The following CSMD3 variants were observed in gnomAD, a reference collection of about 807,000 sequenced individuals.
CSMD3 encodes the protein CUB and Sushi multiple domains 3.
A neutral mutation model predicts 435.2 loss-of-function variants in CSMD3; 177 were observed. The observed-to-expected ratio is 0.41, with a 90% CI of 0.36 to 0.46. The LOEUF is 0.46. Among genes scored for constraint, CSMD3 ranks in the 20% least tolerant of loss-of-function variants. CSMD3 has a pLI of 0.34. For missense variants in CSMD3, 4,265 were observed against 4,504.6 expected, an observed-to-expected ratio of 0.95 and a Z score of 1.52; for synonymous variants, 1,656 against 1,520.5, an observed-to-expected ratio of 1.09 and a Z score of -2.07.
intron 32 of CSMD3, among the ~76,000 whole-genome samples, chr8:112,443,571 T>C (rs60675083): frequency 0.018 from 2,692 of 152,252 alleles, 81 homozygotes; most frequent in African/African-American, 0.061. Context: ...GTTAAACATA[T>C]AGTTTTATAA....
chr8:112,608,183 T>G (rs1832946527), intron 22 of CSMD3, among the ~76,000 whole-genome samples: 1 of 151,602 alleles, frequency 6.6e-6, no homozygotes, highest in African/African-American at 2.4e-5. Context: ...AAAAAGACAT[T>G]AAGAAAGCAA....
intron 59 of CSMD3, among the ~76,000 whole-genome samples, chr8:112,268,902 A>C (rs1334876644): frequency 6.6e-6 from 1 of 152,158 alleles, no homozygotes; most frequent in East Asian, 1.9e-4. Flanking sequence ...GGGTTTCTCT[A>C]CCTTAAGCTT....
chr8:113,127,212 T>C (rs2091158974), intron 4 of CSMD3, among the ~76,000 whole-genome samples: 1 of 152,080 alleles, frequency 6.6e-6, no homozygotes, highest in African/African-American at 2.4e-5. Context: ...AGATTGCGAA[T>C]GAAGAATAAT....
chr8:113,083,645 T>A (rs2089649065), intron 5 of CSMD3, among the ~76,000 whole-genome samples: 1 of 151,878 alleles, frequency 6.6e-6, no homozygotes, highest in African/African-American at 2.4e-5. Context: ...ACAAATAATA[T>A]ACAAAACAAT....
At chr8:113,066,129 GAAAA>G (rs532343282) in intron 5 of CSMD3, among the ~76,000 whole-genome samples, 1 of 49,186 alleles carries the variant, frequency 2.0e-5, no homozygotes, top group African/African-American at 7.9e-5. Flanking sequence ...CCAAGAAAAA[GAAAA>G]AAAAAAAAAA....
At chr8:113,430,288 T>C (rs2094663686) in intron 1 of CSMD3, among the ~76,000 whole-genome samples, 1 of 152,170 alleles carries the variant, frequency 6.6e-6, no homozygotes, top group Non-Finnish European at 1.5e-5. Flanking sequence ...TTGAATAATA[T>C]TGGCAATAGC....
chr8:113,284,187 T>G (rs2132488654), intron 2 of CSMD3, among the ~76,000 whole-genome samples: 1 of 152,100 alleles, frequency 6.6e-6, no homozygotes, highest in Non-Finnish European at 1.5e-5. Context: ...ACTAAAGAAC[T>G]TACTCGTGTA....
chr8:113,332,811 G>T (rs1345776784), intron 1 of CSMD3, among the ~76,000 whole-genome samples: 1 of 151,278 alleles, frequency 6.6e-6, no homozygotes, highest in Non-Finnish European at 1.5e-5. Flanking sequence ...ATGATGCAAG[G>T]GAACCAAAAC....
At position 112,224,415 on chromosome 8, in the gene CSMD3, T is replaced by C. The variant is rs920089575; in HGVS notation, c.*356A>G. ...AGCTCTTATTTCTACCCTATATCTT[T>C]TTTTTTAAACCCAGTCCCTCTAATA... On this transcript the variant is annotated 3_prime_UTR_variant, in exon 71 of 71. Transcript: ENST00000297405. 6.5e-6 allele frequency: 2 copies of C among 309,882 alleles called. No individual in the cohort carries two copies. Among genetic ancestry groups the C allele is most frequent in the Non-Finnish European group, 1.3e-5 (2 of 158,972 alleles). 19.2% of individuals were successfully genotyped at this position (309,882 alleles called of 1,614,324 possible).
chr8:112,590,484 C>G (rs1233356673), intron 22 of CSMD3, among the ~76,000 whole-genome samples: 1 of 151,976 alleles, frequency 6.6e-6, no homozygotes, highest in Non-Finnish European at 1.5e-5. Context: ...GTTCTAGGAA[C>G]TGAAAGACCT....
chr8:112,609,201 C>CATAAAAA (rs1833045753), intron 22 of CSMD3, among the ~76,000 whole-genome samples: 1 of 43,106 alleles, frequency 2.3e-5, no homozygotes, highest in Non-Finnish European at 4.1e-5. Context: ...GATACTGCCT[C>CATAAAAA]AAAAAAAAAA....
rs1230814578 is a variant in CSMD3 at position 113,128,730 on chromosome 8, ACTG to A, written c.710-29770_710-29768del. Reference sequence around the variant, plus strand: ...TTGAGTATATAAACCAGTTCCAATAACTGCTTATAATTTCAGGACCAATTTCAA... The same window carrying A: ...TTGAGTATATAAACCAGTTCCAATAACTTATAATTTCAGGACCAATTTCAA... On this transcript the variant is annotated intron_variant, in intron 4 of 70. Transcript: ENST00000297405. Among the ~76,000 whole-genome samples, 8 of 152,192 alleles carry A rather than the reference ACTG, an allele frequency of 5.3e-5. No homozygotes were observed. In the South Asian group the frequency reaches 8.3e-4, roughly 16 times the overall value.
chr8:113,419,122 TTTG>T (rs2094597225), intron 1 of CSMD3, among the ~76,000 whole-genome samples: 1 of 140,942 alleles, frequency 7.1e-6, no homozygotes, highest in African/African-American at 2.6e-5. Context: ...TTTTTTTTGG[TTTG>T]TTTTTTTTTT....
At chr8:113,072,187 T>C (rs951871530) in intron 5 of CSMD3, among the ~76,000 whole-genome samples, 2 of 151,894 alleles carry the variant, frequency 1.3e-5, no homozygotes, top group Non-Finnish European at 2.9e-5. Flanking sequence ...GTTTTTTCAT[T>C]CTAACAGATA....
chr8:112,507,323 A>G (rs1435730793), intron 28 of CSMD3, among the ~76,000 whole-genome samples: 1 of 152,176 alleles, frequency 6.6e-6, no homozygotes, highest in East Asian at 1.9e-4. Context: ...TTAAATGGAG[A>G]GCTTCAAAAA....
chr8:112,293,361 A>C (rs1819961785), intron 54 of CSMD3, among the ~76,000 whole-genome samples: 1 of 152,106 alleles, frequency 6.6e-6, no homozygotes, highest in Non-Finnish European at 1.5e-5. Flanking sequence ...ATAATTGAGG[A>C]TATTTAAAGG....
At chr8:113,087,478 CA>C (rs2089835958) in intron 5 of CSMD3, among the ~76,000 whole-genome samples, 1 of 152,110 alleles carries the variant, frequency 6.6e-6, no homozygotes, top group Non-Finnish European at 1.5e-5. Context: ...CTACAGTAAC[CA>C]AAACAGCATG....
intron 5 of CSMD3, among the ~76,000 whole-genome samples, chr8:113,065,973 T>G (rs986794448): frequency 6.6e-6 from 1 of 151,438 alleles, no homozygotes; most frequent in Non-Finnish European, 1.5e-5. Context: ...ATATACCATA[T>G]TGGGTATGTA....
At chr8:113,107,331 G>C (rs1157523117) in intron 4 of CSMD3, among the ~76,000 whole-genome samples, 2 of 152,182 alleles carry the variant, frequency 1.3e-5, no homozygotes, top group Admixed American at 6.5e-5. Flanking sequence ...ATATTGCCCA[G>C]GCTGGTCTTG....
Sources: allele counts gnomAD v4.1 joint callset (sites outside exome capture counted in the v4.1 genomes callset), GRCh38; gene constraint gnomAD v4.1.1; transcripts MANE v1.5; gene names NCBI Gene and HGNC (gene_info 2026-07-23, HGNC 2026-07-21).